The following NBEA variants were observed in gnomAD, a reference collection of about 807,000 sequenced individuals.
NBEA encodes the protein lysosomal-trafficking regulator 2.
A neutral mutation model predicts 343.4 loss-of-function variants in NBEA; 44 were observed. The observed-to-expected ratio is 0.13, with a 90% confidence interval of 0.10 to 0.16. NBEA has a LOEUF of 0.16. Ranked by LOEUF, NBEA falls within the 10% of genes least tolerant of loss-of-function variation. The pLI is 1.00. For synonymous variants in NBEA, 1,175 were observed against 1,238.7 expected, an observed-to-expected ratio of 0.95 and a Z score of 1.08; for missense variants, 2,555 against 3,631.3, an observed-to-expected ratio of 0.70 and a Z score of 7.62.
chr13:35,665,472 G>A (rs2085306441), intron 56 of NBEA, among the ~76,000 whole-genome samples: 1 of 152,076 alleles, frequency 6.6e-6, no homozygotes, highest in Non-Finnish European at 1.5e-5. Flanking sequence ...AAAGACAAGG[G>A]GAAAGTATCC....
chr13:35,486,775 A>G (rs9600833), intron 41 of NBEA, among the ~76,000 whole-genome samples: 23,816 of 152,020 alleles, frequency 0.16, 2,094 homozygotes, highest in South Asian at 0.21. Flanking sequence ...ATAGGTAAAT[A>G]CTGAGATACT....
chr13:35,070,412 A>G (rs1292219254), intron 9 of NBEA, among the ~76,000 whole-genome samples: 1 of 152,104 alleles, frequency 6.6e-6, no homozygotes, highest in African/African-American at 2.4e-5. Flanking sequence ...AGAATGTATT[A>G]CTAATATTCT....
chr13:35,463,633 C>A (rs1334570642), intron 40 of NBEA, among the ~76,000 whole-genome samples: 2 of 151,946 alleles, frequency 1.3e-5, no homozygotes, highest in East Asian at 3.9e-4. Context: ...AAAAAACAAA[C>A]CAGAAAAAGT....
In NBEA at chr13:35,285,288, T is replaced by C. The variant is rs1283854238; in HGVS notation, c.5777-5101T>C. Among the ~76,000 whole-genome samples the C allele has an allele frequency of 2.0e-5, 3 of 152,092 alleles. No homozygotes were observed. The South Asian group carries it at 6.2e-4, about 31-fold the overall frequency. On this transcript the variant is annotated intron_variant, in intron 34 of 58. Coordinates refer to ENST00000379939, the MANE Select transcript of NBEA (RefSeq NM_001385012.1). ...CACGAAAATTACAAAAATTATCCACTGTACTCCAGCCCAGGTGACAGAGCA... is the reference window on the plus strand; with the variant it reads ...CACGAAAATTACAAAAATTATCCACCGTACTCCAGCCCAGGTGACAGAGCA...
intron 31 of NBEA, 92 bp from the exon 32 acceptor site, chr13:35,208,608 A>T: frequency 8.7e-7 from 1 of 1,146,036 alleles, no homozygotes; most frequent in Non-Finnish European, 1.2e-6. Context: ...AGAGGGAGAA[A>T]TTCGATGTTG....
At position 35,142,257 on chromosome 13, in the gene NBEA, C is replaced by G. The variant is rs1198858280; in HGVS notation, c.2337-12C>G. On this transcript the variant is annotated splice_polypyrimidine_tract_variant and intron_variant, in intron 17 of 58. Coordinates refer to ENST00000379939, the MANE Select transcript of NBEA (RefSeq NM_001385012.1). ...TGTTTCATGGTGTTTTATTTTTCCT[C>G]CTTCTCTCCAGGAGAAAAGTTGAAA... is the stretch of plus-strand genomic sequence containing the variant. 2.5e-6 allele frequency: 4 copies of G among 1,574,922 alleles called. No homozygotes were observed. Among genetic ancestry groups the G allele is most frequent in the Non-Finnish European group, 3.5e-6 (4 of 1,147,962 alleles).
chr13:35,240,066 C>T lies in NBEA; in HGVS notation c.5776+7447C>T, dbSNP rs1466784712. 2.0e-5 allele frequency among the ~76,000 whole-genome samples: 3 copies of T among 146,760 alleles called. No individual in the cohort carries two copies. The East Asian group carries it at 6.9e-4, about 34-fold the overall frequency. Reference sequence around the variant, plus strand: ...TAGCAATTGGCAAAAATCGCAATTACTTTTGCACCAACCAATAATAACTGC... The same window carrying T: ...TAGCAATTGGCAAAAATCGCAATTATTTTTGCACCAACCAATAATAACTGC... On this transcript the variant is annotated intron_variant, in intron 34 of 58. Transcript: ENST00000379939.
At chr13:35,419,518 C>T (rs1389862915) in intron 38 of NBEA, among the ~76,000 whole-genome samples, 1 of 151,994 alleles carries the variant, frequency 6.6e-6, no homozygotes, top group African/African-American at 2.4e-5. Flanking sequence ...GACAGTGTTT[C>T]TGAACATTTC....
intron 58 of NBEA, among the ~76,000 whole-genome samples, chr13:35,670,125 G>T (rs767584698): frequency 6.6e-6 from 1 of 152,144 alleles, no homozygotes; most frequent in Admixed American, 6.5e-5. Flanking sequence ...TACTCAAAAG[G>T]TATTTATTGG....
At chr13:35,099,644 G>T (rs1444733589) in intron 11 of NBEA, among the ~76,000 whole-genome samples, 3 of 151,936 alleles carry the variant, frequency 2.0e-5, no homozygotes, top group Non-Finnish European at 4.4e-5. Context: ...ACATTATTTT[G>T]TGCTCTTTTT....
At chr13:35,667,595 G>A (rs2085420259) in intron 57 of NBEA, 25 bp downstream of exon 57, 1 of 1,596,332 alleles carries the variant, frequency 6.3e-7, no homozygotes, top group Admixed American at 1.7e-5. Context: ...TTCGTGCTAA[G>A]TAGGACTGAA....
At chr13:35,267,565 G>A (rs1253964683) in intron 34 of NBEA, among the ~76,000 whole-genome samples, 1 of 151,340 alleles carries the variant, frequency 6.6e-6, no homozygotes, top group Non-Finnish European at 1.5e-5. Flanking sequence ...GAGTAAAAAG[G>A]CACTCCACAG....
At chr13:35,359,887 C>G (rs1004790689) in intron 38 of NBEA, among the ~76,000 whole-genome samples, 1 of 151,040 alleles carries the variant, frequency 6.6e-6, no homozygotes, top group South Asian at 2.1e-4. Context: ...TATTCATTTT[C>G]AAATAATCAT....
At chr13:35,517,476 T>G (rs1193914703) in intron 41 of NBEA, among the ~76,000 whole-genome samples, 1 of 152,224 alleles carries the variant, frequency 6.6e-6, no homozygotes, top group East Asian at 1.9e-4. Context: ...TCCTTTTAAC[T>G]TCCCAATTTT....
intron 29 of NBEA, among the ~76,000 whole-genome samples, chr13:35,183,478 T>A (rs2071456831): frequency 6.6e-6 from 1 of 152,110 alleles, no homozygotes. Flanking sequence ...TTTATTGATG[T>A]CATGGAGATA....
intron 41 of NBEA, among the ~76,000 whole-genome samples, chr13:35,518,735 A>G (rs1008389494): frequency 1.1e-4 from 16 of 152,198 alleles, no homozygotes; most frequent in African/African-American, 3.6e-4. Context: ...TGGTTGCCCT[A>G]CTTGCTAGCA....
intron 48 of NBEA, among the ~76,000 whole-genome samples, chr13:35,625,683 A>G (rs932473434): frequency 1.3e-5 from 2 of 152,018 alleles, no homozygotes; most frequent in Admixed American, 1.3e-4. Flanking sequence ...AAGAACCTCC[A>G]GTGTTTAAAT....
chr13:35,371,799 T>C (rs1441307012), intron 38 of NBEA, among the ~76,000 whole-genome samples: 1 of 152,186 alleles, frequency 6.6e-6, no homozygotes, highest in Non-Finnish European at 1.5e-5. Context: ...TCTGTGGTGT[T>C]TGTTGGGTAG....
chr13:35,307,372 A>C (rs1472974138), intron 35 of NBEA, among the ~76,000 whole-genome samples: 1 of 151,996 alleles, frequency 6.6e-6, no homozygotes, highest in Non-Finnish European at 1.5e-5. Flanking sequence ...GGCTTTCTCA[A>C]ACTTTAAACT....
Sources: gnomAD v4.1 joint callset for allele counts (sites outside exome capture counted in the v4.1 genomes callset) on GRCh38, gnomAD v4.1.1 for gene constraint, MANE v1.5 for transcripts, NCBI Gene and HGNC (gene_info 2026-07-23, HGNC 2026-07-21) for gene names.